Variants in CHMP5 observed in about 807,000 individuals in gnomAD.
CHMP5 encodes the protein charged multivesicular body protein 5, also known as SNF7 domain containing 2.
Under a neutral mutation model 33.0 loss-of-function variants are expected in CHMP5, and 17 were observed. The observed-to-expected ratio is 0.52, with a 90% CI of 0.35 to 0.77. The LOEUF is 0.77. Ranked by LOEUF, CHMP5 falls within the 30% of genes least tolerant of loss-of-function variation. The pLI is 0.01. For synonymous variants in CHMP5, 76 were observed against 90.2 expected, an observed-to-expected ratio of 0.84 and a Z score of 0.89; for missense variants, 216 against 261.5, an observed-to-expected ratio of 0.83 and a Z score of 1.20.
intron 5 of CHMP5, among the ~76,000 whole-genome samples, chr9:33,272,782 A>G (rs1695143353): frequency 6.6e-6 from 1 of 151,990 alleles, no homozygotes; most frequent in Non-Finnish European, 1.5e-5. Context: ...CCTGGGCGAC[A>G]GAGCAAGACT....
chr9:33,276,541 T>C lies in CHMP5; in HGVS notation c.473T>C (p.Leu158Pro). The C allele has an allele frequency of 6.2e-7, 1 of 1,603,966 alleles. No individual in the cohort carries two copies. Residue 158 changes from leucine (L) to proline (P), a missense_variant, in exon 6 of 8, where the codon CTG becomes CCG. Physicochemically the swap from Leu to Pro is moderately conservative, Grantham distance 98. Transcript: ENST00000223500. ...ALSRSYGTPE[L>P]DEDDLEAELD... ...AGTCGCAGTTATGGCACCCCAGAAC[T>C]GGATGAAGATGATTTAGAAGCAGGT...
chr9:33,280,069 C>G (rs763804466), intron 7 of CHMP5, among the ~76,000 whole-genome samples: 2 of 151,986 alleles, frequency 1.3e-5, no homozygotes, highest in Admixed American at 1.3e-4. Flanking sequence ...CCTCCACCCC[C>G]GGATTCAAGC....
intron 2 of CHMP5, 103 bp downstream of exon 2, chr9:33,266,217 A>G: frequency 1.5e-6 from 1 of 659,462 alleles, no homozygotes; most frequent in South Asian, 1.7e-5. Flanking sequence ...TCATGCATGT[A>G]ATCCCAGCAC....
intron 4 of CHMP5, 123 bp from the exon 5 acceptor site, chr9:33,271,029 C>T: frequency 1.3e-6 from 1 of 741,482 alleles, no homozygotes. Flanking sequence ...TTGCAGTGAG[C>T]CATTGCACTC....
intron 7 of CHMP5, among the ~76,000 whole-genome samples, chr9:33,279,813 A>T (rs923966008): frequency 7.2e-6 from 1 of 139,466 alleles, no homozygotes; most frequent in Non-Finnish European, 1.5e-5. Context: ...CAGTGAGCCG[A>T]GGTCGTGCCA....
rs1436049254 is a variant in CHMP5 at position 33,281,669 on chromosome 9, C to T, written c.*810C>T. 6.6e-6 allele frequency: 1 copy of T among 152,104 alleles called. No individual in the cohort carries two copies. Among genetic ancestry groups the T allele is most frequent in the Non-Finnish European group, 1.5e-5 (1 of 68,024 alleles). The allele number at this position is 152,104 out of a possible 1,614,324, so 9.4% of individuals were successfully genotyped here. On this transcript the variant is annotated 3_prime_UTR_variant, in exon 8 of 8. Coordinates refer to ENST00000223500, the MANE Select transcript of CHMP5 (RefSeq NM_016410.6). Reference sequence around the variant, plus strand: ...AGCAAGGAACAATCTGGGCTTGGGCCCTGGGTCTACCATTTACTAACTACT... The same window carrying T: ...AGCAAGGAACAATCTGGGCTTGGGCTCTGGGTCTACCATTTACTAACTACT...
intron 3 of CHMP5, among the ~76,000 whole-genome samples, chr9:33,269,468 T>C (rs7040357): frequency 0.022 from 3,403 of 152,154 alleles, 147 homozygotes; most frequent in African/African-American, 0.078. Context: ...GGCACCACTA[T>C]ACTCCAGCCT....
At chr9:33,280,001 G>T (rs188785582) in intron 7 of CHMP5, among the ~76,000 whole-genome samples, 2 of 151,934 alleles carry the variant, frequency 1.3e-5, no homozygotes, top group East Asian at 3.9e-4. Flanking sequence ...TTTTTGAGAT[G>T]GAGTCCCGCT....
intron 7 of CHMP5, 121 bp downstream of exon 7, chr9:33,278,346 T>C (rs1820880135): frequency 1.6e-6 from 1 of 642,932 alleles, no homozygotes; most frequent in South Asian, 2.0e-5. Flanking sequence ...TCCTGGTCAT[T>C]ATTTTGTGAA....
chr9:33,267,448 T>C (rs1345543486), intron 2 of CHMP5, among the ~76,000 whole-genome samples: 2 of 152,196 alleles, frequency 1.3e-5, no homozygotes, highest in African/African-American at 2.4e-5. Context: ...AGGTGAGAGA[T>C]TGGTGGGCCA....
chr9:33,269,603 T>G (rs1038340101), intron 3 of CHMP5, among the ~76,000 whole-genome samples: 1 of 152,206 alleles, frequency 6.6e-6, no homozygotes, highest in Non-Finnish European at 1.5e-5. Flanking sequence ...TGAAGAGCCT[T>G]AAAAATAGTT....
chr9:33,279,447 A>C (rs1259326437), intron 7 of CHMP5, among the ~76,000 whole-genome samples: 1 of 151,190 alleles, frequency 6.6e-6, no homozygotes, highest in Non-Finnish European at 1.5e-5. Flanking sequence ...TGAACTGCCC[A>C]CTCCTCCCCG....
intron 4 of CHMP5, among the ~76,000 whole-genome samples, 168 bp downstream of exon 4, chr9:33,270,884 C>G (rs891181883): frequency 1.3e-5 from 2 of 152,140 alleles, no homozygotes; most frequent in African/African-American, 4.8e-5. Context: ...GAGTTTGAGA[C>G]CAGCCTGACC....
At chr9:33,276,735 C>T (rs528612056) in intron 6 of CHMP5, among the ~76,000 whole-genome samples, 171 bp downstream of exon 6, 25 of 152,366 alleles carry the variant, frequency 1.6e-4, no homozygotes, top group South Asian at 4.1e-4. Context: ...AGATTGCATA[C>T]TCCACCAACA....
In CHMP5 at chr9:33,271,197, A is replaced by G; in HGVS notation, c.361A>G (p.Lys121Glu). ...LGVKEMKKAY[K>E]QVKIDQIEDL... ...AGTAAAGGAAATGAAGAAGGCATAC[A>G]AGCAAGTGAAGATCGACCAGATTGA... The change falls in exon 5 of 8, where the codon AAG (lysine) becomes GAG (glutamate). Residue 121 changes from lysine to glutamate, a missense_variant. Transcript: ENST00000223500. The G allele has an allele frequency of 5.0e-6, 8 of 1,613,946 alleles. No individual in the cohort carries two copies. Among genetic ancestry groups the G allele is most frequent in the Non-Finnish European group, 5.9e-6 (7 of 1,179,802 alleles).
At chr9:33,269,702 C>T (rs1000011527) in intron 3 of CHMP5, among the ~76,000 whole-genome samples, 6 of 152,072 alleles carry the variant, frequency 3.9e-5, no homozygotes, top group African/African-American at 1.4e-4. Context: ...AGGCCGGGTG[C>T]GGTGGCTCAT....
chr9:33,276,400 G>C (rs1820854907), intron 5 of CHMP5, 56 bp from the exon 6 acceptor site: 2 of 916,654 alleles, frequency 2.2e-6, no homozygotes, highest in South Asian at 2.8e-5. Context: ...AGGGGAAAAG[G>C]GTAGTTAAAA....
intron 5 of CHMP5, among the ~76,000 whole-genome samples, chr9:33,273,864 T>C (rs934461812): frequency 6.6e-6 from 1 of 152,210 alleles, no homozygotes; most frequent in Non-Finnish European, 1.5e-5. Context: ...TCTTGATGTG[T>C]AATACTATTG....
chr9:33,270,559 T>C, intron 3 of CHMP5, 64 bp from the exon 4 acceptor site: 1 of 1,224,154 alleles, frequency 8.2e-7, no homozygotes, highest in Non-Finnish European at 1.2e-6. Context: ...AGTGTGGGGA[T>C]ACTTTGTTCT....
Sources: allele counts gnomAD v4.1 joint callset (sites outside exome capture counted in the v4.1 genomes callset), GRCh38; gene constraint gnomAD v4.1.1; transcripts MANE v1.5; gene names NCBI Gene and HGNC (gene_info 2026-07-23, HGNC 2026-07-21).